FIRRM: variants seen among roughly 807,000 people sequenced by gnomAD.
FIRRM encodes the protein FIGNL1 interacting regulator of recombination and mitosis, also known as FIGNL1-interacting regulator of recombination and mitosis.
the FIRRM span, among the ~76,000 whole-genome samples, chr1:169,788,035 A>T: frequency 9.1e-4 from 138 of 152,308 alleles, no homozygotes; most frequent in African/African-American, 3.2e-3. Flanking sequence ...CATTCCCCCT[A>T]TCATGGGGCT....
the FIRRM span, chr1:169,842,690 T>A: frequency 2.4e-6 from 2 of 826,142 alleles, no homozygotes; most frequent in Non-Finnish European, 3.6e-6. Context: ...ACCTGTACTC[T>A]CTCACGCAGC....
At chr1:169,836,225 C>T in the FIRRM span, among the ~76,000 whole-genome samples, 40,021 of 151,874 alleles carry the variant, frequency 0.26, 5,763 homozygotes, top group Middle Eastern at 0.37. Context: ...TGGTTTTTAC[C>T]ATTTTTCTAC....
chr1:169,809,995 A>G, the FIRRM span, among the ~76,000 whole-genome samples: 1 of 152,204 alleles, frequency 6.6e-6, no homozygotes, highest in Admixed American at 6.5e-5. Context: ...CCCAATATCA[A>G]GGCACCAGTA....
the FIRRM span, chr1:169,832,278 C>A: frequency 1.8e-6 from 1 of 543,830 alleles, no homozygotes; most frequent in Non-Finnish European, 3.3e-6. Flanking sequence ...TAAGAAAAGC[C>A]CCAAATTAAA....
At chr1:169,832,499 C>T in the FIRRM span, 48 of 1,610,740 alleles carry the variant, frequency 3.0e-5, no homozygotes, top group Admixed American at 2.8e-4. Flanking sequence ...ATGGCACCAC[C>T]CCATCAGGCA....
At chr1:169,790,174 CT>C in the FIRRM span, among the ~76,000 whole-genome samples, 566 of 148,692 alleles carry the variant, frequency 3.8e-3, 5 homozygotes, top group African/African-American at 0.013. Context: ...CCACATTTAT[CT>C]TTTTTTTTTC....
the FIRRM span, among the ~76,000 whole-genome samples, chr1:169,840,705 TCTCA>T: frequency 6.6e-6 from 1 of 151,906 alleles, no homozygotes; most frequent in South Asian, 2.1e-4. Context: ...AGAGATGGGG[TCTCA>T]CTGTGTTAGC....
chr1:169,791,754 C>T, the FIRRM span, among the ~76,000 whole-genome samples: 10,072 of 152,090 alleles, frequency 0.066, 428 homozygotes, highest in Non-Finnish European at 0.099. Flanking sequence ...CCATGATGTC[C>T]GATTATTTTA....
At chr1:169,805,718 G>C in the FIRRM span, among the ~76,000 whole-genome samples, 1 of 152,138 alleles carries the variant, frequency 6.6e-6, no homozygotes, top group East Asian at 1.9e-4. Flanking sequence ...GAATATTTCA[G>C]TTATAATAGG....
the FIRRM span, among the ~76,000 whole-genome samples, chr1:169,800,162 T>C: frequency 6.6e-6 from 1 of 152,196 alleles, no homozygotes. Flanking sequence ...GCCTTCCAAG[T>C]AGCTGAGACC....
chr1:169,830,752 G>A, the FIRRM span: 26 of 1,613,426 alleles, frequency 1.6e-5, no homozygotes, highest in Middle Eastern at 1.6e-4. Context: ...CATCTGGTGC[G>A]TAGAATTACA....
At chr1:169,847,198 G>A in the FIRRM span, among the ~76,000 whole-genome samples, 8 of 151,508 alleles carry the variant, frequency 5.3e-5, no homozygotes, top group East Asian at 3.9e-4. Context: ...TAATGAACAA[G>A]TTGAAATATT....
the FIRRM span, among the ~76,000 whole-genome samples, chr1:169,838,421 T>C: frequency 1.1e-4 from 16 of 152,344 alleles, no homozygotes; most frequent in African/African-American, 2.9e-4. Flanking sequence ...TTTTGAAGTA[T>C]GACCACAGCT....
At chr1:169,821,768 T>C in the FIRRM span, 1 of 1,526,336 alleles carries the variant, frequency 6.6e-7, no homozygotes, top group African/African-American at 1.4e-5. Flanking sequence ...AGGTAAGGCT[T>C]TATTATACGT....
the FIRRM span, among the ~76,000 whole-genome samples, chr1:169,805,521 C>T: frequency 8.5e-5 from 13 of 152,230 alleles, no homozygotes; most frequent in East Asian, 2.5e-3. Flanking sequence ...AGCGTTTAGC[C>T]CAGAGTCATT....
chr1:169,843,903 A>G, the FIRRM span: 1 of 616,536 alleles, frequency 1.6e-6, no homozygotes, highest in South Asian at 2.0e-5. Flanking sequence ...GTCTTCATCA[A>G]GGATATCTCA....
At chr1:169,821,608 A>T in the FIRRM span, 11 of 1,141,158 alleles carry the variant, frequency 9.6e-6, no homozygotes, top group Admixed American at 2.6e-4. Flanking sequence ...ATATTGTCTC[A>T]TTTGTAAGCT....
chr1:169,826,913 T>G, the FIRRM span: 9 of 692,560 alleles, frequency 1.3e-5, no homozygotes, highest in Non-Finnish European at 2.1e-5. Context: ...GAATTTTGTT[T>G]TATAAAATGC....
chr1:169,822,009 T>C, the FIRRM span, among the ~76,000 whole-genome samples: 2 of 152,232 alleles, frequency 1.3e-5, no homozygotes, highest in East Asian at 3.8e-4. Context: ...AAAAAGCTGA[T>C]GGTCATTTAA....
Sources: gnomAD v4.1 joint callset for allele counts (sites outside exome capture counted in the v4.1 genomes callset) on GRCh38, gnomAD v4.1.1 for gene constraint, MANE v1.5 for transcripts, NCBI Gene and HGNC (gene_info 2026-07-23, HGNC 2026-07-21) for gene names.